The following MVP variants were observed in gnomAD, a reference collection of about 807,000 sequenced individuals.
MVP encodes lung resistance-related protein.
Under a neutral mutation model 83.5 loss-of-function variants are expected in MVP, and 62 were observed. The observed-to-expected ratio is 0.74, with a 90% CI of 0.61 to 0.92. MVP has a LOEUF of 0.92. Ranked by LOEUF, MVP falls within the 40% of genes least tolerant of loss-of-function variation. The pLI is 0.00. For synonymous variants in MVP, 505 were observed against 504.1 expected, an observed-to-expected ratio of 1.00 and a Z score of -0.02; for missense variants, 1,000 against 1,203.4, an observed-to-expected ratio of 0.83 and a Z score of 2.50.
chr16:29,844,414 C>T (rs2067563277), intron 10 of MVP, 79 bp from the exon 11 acceptor site: 1 of 1,495,586 alleles, frequency 6.7e-7, no homozygotes. Flanking sequence ...GCCTGGGCAA[C>T]ATGGCAAGAC....
intron 7 of MVP, among the ~76,000 whole-genome samples, chr16:29,839,783 CAAAAAAA>C (rs71373206): frequency 8.4e-5 from 4 of 47,368 alleles, no homozygotes; most frequent in African/African-American, 2.9e-4. Flanking sequence ...AAGACTATCT[CAAAAAAA>C]AAAAAAAAAA....
intron 1 of MVP, among the ~76,000 whole-genome samples, chr16:29,826,437 GC>G (rs1379493483): frequency 2.6e-5 from 4 of 152,054 alleles, no homozygotes; most frequent in African/African-American, 9.7e-5. Context: ...TTTGAGACCA[GC>G]CTGGACAACA....
chr16:29,826,644 C>T (rs1297077460), intron 1 of MVP, among the ~76,000 whole-genome samples: 3 of 147,486 alleles, frequency 2.0e-5, no homozygotes, highest in East Asian at 2.0e-4. Flanking sequence ...AAAAAAAGGC[C>T]GGGCGTGGTG....
chr16:29,824,232 A>C (rs907428798), intron 1 of MVP, among the ~76,000 whole-genome samples: 30 of 150,010 alleles, frequency 2.0e-4, no homozygotes, highest in African/African-American at 4.4e-4. Flanking sequence ...AAAAAAAAAA[A>C]AAAAAAAAAC....
rs1054075049 is a variant in MVP at position 29,841,357 on chromosome 16, G to A, written c.1192-239G>A. 2.6e-5 allele frequency among the ~76,000 whole-genome samples: 4 copies of A among 152,120 alleles called. No homozygotes were observed. Among genetic ancestry groups the A allele is most frequent in the African/African-American group, 9.7e-5 (4 of 41,424 alleles). On this transcript the variant is annotated intron_variant, in intron 8 of 14. Transcript: ENST00000357402. The surrounding 1 kb of genome is among the most constrained non-coding windows in gnomAD (Gnocchi z 4.7). ...GTCATTCACCCCTAGACCCTGCAAGGTAGCCACCGTCAAGTCCACTTGACA... is the reference window on the plus strand; with the variant it reads ...GTCATTCACCCCTAGACCCTGCAAGATAGCCACCGTCAAGTCCACTTGACA...
At chr16:29,843,332 A>C (rs888007652) in intron 10 of MVP, among the ~76,000 whole-genome samples, 1 of 151,192 alleles carries the variant, frequency 6.6e-6, no homozygotes, top group African/African-American at 2.4e-5. Context: ...TTTCAAAAAA[A>C]AAAAATTTAT....
intron 11 of MVP, 53 bp downstream of exon 11, chr16:29,844,932 T>TG: frequency 1.3e-6 from 2 of 1,549,746 alleles, no homozygotes; most frequent in Non-Finnish European, 1.7e-6. Context: ...AGGCCACTGC[T>TG]GGGAACTGGA....
intron 1 of MVP, among the ~76,000 whole-genome samples, chr16:29,823,542 C>G (rs1002008980): frequency 1.3e-5 from 2 of 151,896 alleles, no homozygotes; most frequent in African/African-American, 4.8e-5. Flanking sequence ...CCCACTGGCT[C>G]TCAATCCTGG....
chr16:29,831,867 G>A (rs1322497659), intron 3 of MVP: 1 of 361,652 alleles, frequency 2.8e-6, no homozygotes, highest in Non-Finnish European at 5.5e-6. Flanking sequence ...TGAGCAGGTG[G>A]GTGTCCCACC....
intron 1 of MVP, among the ~76,000 whole-genome samples, chr16:29,828,569 G>A (rs370178213): frequency 1.9e-4 from 28 of 151,208 alleles, no homozygotes; most frequent in African/African-American, 6.3e-4. Flanking sequence ...TAGTAGAGAC[G>A]GGGTTTCGCC....
rs2067464836 is a variant in MVP at position 29,833,934 on chromosome 16, G to A, written c.446-1G>A. ...TTCTGACCATCACCTTCCCTCCCCA[G>A]GCACGTACATCCCCCGGAAGGAAGT... On this transcript the variant is annotated splice_acceptor_variant, in intron 4 of 14. Transcript: ENST00000357402. LOFTEE classifies it high-confidence loss of function. The A allele has an allele frequency of 6.2e-7, 1 of 1,614,086 alleles. No homozygotes were observed. Among genetic ancestry groups the A allele is most frequent in the Non-Finnish European group, 8.5e-7 (1 of 1,180,026 alleles).
intron 1 of MVP, among the ~76,000 whole-genome samples, chr16:29,828,361 C>T (rs956980074): frequency 1.1e-4 from 17 of 152,158 alleles, no homozygotes; most frequent in African/African-American, 1.4e-4. Flanking sequence ...CTCTATTGGA[C>T]GCTGCTGAGT....
In MVP at chr16:29,844,477, G is replaced by A; in HGVS notation, c.1635-16G>A. Reference sequence around the variant, plus strand: ...GGTGAAAGCAGCTTCCCCATTCTGGGCCTGTTTGTTCACAGGCACTTTGAG... The same window carrying A: ...GGTGAAAGCAGCTTCCCCATTCTGGACCTGTTTGTTCACAGGCACTTTGAG... On this transcript the variant is annotated splice_polypyrimidine_tract_variant and intron_variant, in intron 10 of 14. Coordinates refer to ENST00000357402, the MANE Select transcript of MVP (RefSeq NM_005115.5). 6.6e-7 allele frequency: 1 copy of A among 1,524,330 alleles called. No homozygotes were observed. Among genetic ancestry groups the A allele is most frequent in the Non-Finnish European group, 8.8e-7 (1 of 1,137,710 alleles). The allele number at this position is 1,524,330 out of a possible 1,614,324, so 94.4% of individuals were successfully genotyped here.
intron 8 of MVP, 122 bp downstream of exon 8, chr16:29,840,581 C>A: frequency 2.5e-6 from 3 of 1,202,650 alleles, no homozygotes; most frequent in Admixed American, 2.6e-5. Flanking sequence ...ATCAGGTGGG[C>A]TGTCTGGTTG....
chr16:29,840,438 G>A lies in MVP; in HGVS notation c.1170G>A (p.Val390=). 1 of 1,574,868 alleles carries A rather than the reference G, an allele frequency of 6.3e-7. No individual in the cohort carries two copies. Among genetic ancestry groups the A allele is most frequent in the Non-Finnish European group, 8.6e-7 (1 of 1,160,294 alleles). The part of the protein sequence containing the change: ...IPLDENEGIY[V]QDVKTGKVRA... ...TAGACGAGAACGAGGGCATCTATGT[G>A]CAGGATGTCAAGACCGGAAAGGTAA... Residue 390 remains valine, a synonymous_variant, in exon 8 of 15, where the codon GTG becomes GTA. Transcript: ENST00000357402.
Position 29,842,016 on chromosome 16 carries a change from C to T in MVP, c.1538C>T (p.Ala513Val), listed in dbSNP as rs772229534. ...GRPKRPHARR[A>V]LCLLLGPDFF... ...CCCAAGCGTCCCCATGCCCGCCGTG[C>T]GCTCTGCCTGCTGCTGGGGCCTGAC... is the stretch of plus-strand genomic sequence containing the variant. Residue 513 changes from alanine to valine, a missense_variant, in exon 10 of 15, where the codon GCG becomes GTG. Transcript: ENST00000357402. 43 of 1,611,558 alleles carry T rather than the reference C, an allele frequency of 2.7e-5. No homozygotes were observed. The highest frequency in any genetic ancestry group is 3.5e-5 in the Non-Finnish European group (41 of 1,179,982).
intron 10 of MVP, among the ~76,000 whole-genome samples, chr16:29,842,850 C>T (rs2150759422): frequency 6.6e-6 from 1 of 152,330 alleles, no homozygotes; most frequent in South Asian, 2.1e-4. Context: ...TAGCAGGACA[C>T]TACCCCAACT....
intron 1 of MVP, among the ~76,000 whole-genome samples, chr16:29,823,903 A>T (rs912427471): frequency 2.0e-5 from 3 of 151,570 alleles, no homozygotes; most frequent in African/African-American, 4.8e-5. Context: ...CCTCACCCAG[A>T]CCAATTAAAT....
chr16:29,835,684 AC>A lies in MVP; in HGVS notation c.578-17del, dbSNP rs1305666284. On this transcript the variant is annotated intron_variant, in intron 5 of 14. Transcript: ENST00000357402. Reference sequence around the variant, plus strand: ...GCAGGCTGGGGGGCCCTTGTCCCTTACCCTCCACTCTTGGCCCAGGGGAAGA... The same window carrying A: ...GCAGGCTGGGGGGCCCTTGTCCCTTACCTCCACTCTTGGCCCAGGGGAAGA... 1 of 1,609,984 alleles carries A rather than the reference AC, an allele frequency of 6.2e-7. No individual in the cohort carries two copies. Among genetic ancestry groups the A allele is most frequent in the Non-Finnish European group, 8.5e-7 (1 of 1,177,516 alleles).
Sources: allele counts gnomAD v4.1 joint callset (sites outside exome capture counted in the v4.1 genomes callset), GRCh38; gene constraint gnomAD v4.1.1; non-coding constraint Gnocchi (gnomAD v3.1); transcripts MANE v1.5; gene names NCBI Gene and HGNC (gene_info 2026-07-23, HGNC 2026-07-21).